The following USP36 variants were observed in gnomAD, a reference collection of about 807,000 sequenced individuals.
The protein encoded by USP36 is ubiquitin carboxyl-terminal hydrolase 36.
In USP36, 59 loss-of-function variants were observed where a neutral mutation model predicts 111.5. The ratio of observed to expected loss-of-function variants is 0.53; its 90% confidence interval spans 0.43 to 0.66. USP36 has a LOEUF of 0.66. USP36 is among the 30% of genes least tolerant of loss of function. The pLI is 0.00. For synonymous variants in USP36, 628 were observed against 581.0 expected (o/e 1.08, Z -1.16); for missense variants, 1,488 against 1,468.0 (o/e 1.01, Z -0.22).
Position 78,807,345 on chromosome 17 carries a change from GGCTCCCAGATCTGCT to G in USP36, c.1684_1698del (p.Ser562_Ser566del), listed in dbSNP as rs776240175. 2.5e-6 allele frequency: 4 copies of G among 1,614,110 alleles called. No individual in the cohort carries two copies. The highest frequency in any genetic ancestry group is 1.3e-5 in the African/African-American group (1 of 74,936). On this transcript the variant is annotated inframe_deletion, in exon 14 of 21. Coordinates refer to ENST00000449938, the MANE Select transcript of USP36 (RefSeq NM_001385174.1). ...CTGCTGTCCCAGGAGCCCTGCCTTTGGCTCCCAGATCTGCTGCTATTCGAGTTGCTGGTCCCAGGC... is the reference window on the plus strand; with the variant it reads ...CTGCTGTCCCAGGAGCCCTGCCTTTGGCTATTCGAGTTGCTGGTCCCAGGC...
At position 78,835,507 on chromosome 17, in the gene USP36, G is replaced by A; in HGVS notation, c.254-6C>T. On this transcript the variant is annotated splice_region_variant and splice_polypyrimidine_tract_variant and intron_variant, in intron 3 of 20. Transcript: ENST00000449938. Reference sequence around the variant, plus strand: ...CTCATACGTGTGCTCACTGCCTGAGGAAGAAAGGGACAAGGGAAGAAAAGA... The same window carrying A: ...CTCATACGTGTGCTCACTGCCTGAGAAAGAAAGGGACAAGGGAAGAAAAGA... The A allele has an allele frequency of 1.3e-6, 2 of 1,587,368 alleles. No homozygotes were observed. Among genetic ancestry groups the A allele is most frequent in the Non-Finnish European group, 1.7e-6 (2 of 1,166,000 alleles).
intron 13 of USP36, among the ~76,000 whole-genome samples, chr17:78,809,204 A>C (rs143600798): frequency 3.9e-5 from 6 of 152,340 alleles, no homozygotes; most frequent in African/African-American, 1.2e-4. Context: ...AATTATGTAC[A>C]AAAATGTAAA....
chr17:78,825,412 AT>A (rs1331358704), intron 6 of USP36, among the ~76,000 whole-genome samples: 1 of 152,030 alleles, frequency 6.6e-6, no homozygotes, highest in Non-Finnish European at 1.5e-5. Context: ...TGTCATTCTT[AT>A]TTTTTCTCAC....
At chr17:78,816,500 T>C (rs1469736176) in intron 10 of USP36, among the ~76,000 whole-genome samples, 1 of 151,848 alleles carries the variant, frequency 6.6e-6, no homozygotes, top group Non-Finnish European at 1.5e-5. Flanking sequence ...GTGGCACACA[T>C]TTGTGGTCCC....
chr17:78,822,702 T>C (rs7219360), intron 6 of USP36, among the ~76,000 whole-genome samples: 8,855 of 152,246 alleles, frequency 0.058, 820 homozygotes, highest in African/African-American at 0.2. Context: ...ATATGGTAGC[T>C]ACTCACGCTG....
At chr17:78,830,332 A>G (rs1293045589) in intron 4 of USP36, among the ~76,000 whole-genome samples, 1 of 152,244 alleles carries the variant, frequency 6.6e-6, no homozygotes, top group Non-Finnish European at 1.5e-5. Flanking sequence ...TGCTAGACAT[A>G]GCTCCAGTTC....
rs1055817829 is a variant in USP36, at chr17:78,806,345, G to A, written c.2086-59C>T. The A allele has an allele frequency of 3.2e-5, 51 of 1,597,304 alleles. No homozygotes were observed. The African/African-American group carries it at 6.9e-4, about 22-fold the overall frequency. On this transcript the variant is annotated intron_variant, in intron 14 of 20. Transcript: ENST00000449938. Reference sequence around the variant, plus strand: ...TCTAAAAAAGGTTTCCGTGAGTGAAGAGGGAAAACAAAAGTAACAAAAAAT... The same window carrying A: ...TCTAAAAAAGGTTTCCGTGAGTGAAAAGGGAAAACAAAAGTAACAAAAAAT...
chr17:78,839,772 C>G (rs912234959), intron 1 of USP36, among the ~76,000 whole-genome samples: 2 of 152,090 alleles, frequency 1.3e-5, no homozygotes, highest in East Asian at 1.9e-4. Flanking sequence ...TGTAGGAGCC[C>G]GAGACAAGTG....
rs2068646439 is a variant in USP36, at chr17:78,836,153, TA to T, written c.210del (p.Ser71ValfsTer42). 6.2e-7 allele frequency: 1 copy of T among 1,613,912 alleles called. No homozygotes were observed. The highest frequency in any genetic ancestry group is 8.5e-7 in the Non-Finnish European group (1 of 1,180,058). ...GGGTCATCTCCACTCTTGTGGCGAC[TA>T]GCTCCCTCTGTTTTGGGGTTGAGCA... ...YVLLNPKTEG[A>X]SRHKSGDDPP... On this transcript the variant is annotated frameshift_variant, in exon 3 of 21. Transcript: ENST00000449938. LOFTEE classifies it high-confidence loss of function.
intron 10 of USP36, among the ~76,000 whole-genome samples, chr17:78,816,712 A>G (rs2094198534): frequency 6.6e-6 from 1 of 152,166 alleles, no homozygotes; most frequent in African/African-American, 2.4e-5. Context: ...CCCAGTCTCA[A>G]GCAATCCTCC....
intron 12 of USP36, 119 bp from the exon 13 acceptor site, chr17:78,813,120 T>C: frequency 1.6e-6 from 2 of 1,263,200 alleles, no homozygotes; most frequent in Non-Finnish European, 2.2e-6. Flanking sequence ...ACCCTGCCAG[T>C]CCTAACCACT....
At chr17:78,825,229 A>T (rs2067429955) in intron 6 of USP36, among the ~76,000 whole-genome samples, 1 of 152,206 alleles carries the variant, frequency 6.6e-6, no homozygotes, top group Non-Finnish European at 1.5e-5. Flanking sequence ...AACGCTGGTC[A>T]CCTATAATCA....
In USP36 at chr17:78,836,208, C is replaced by T. The variant is rs562267963; in HGVS notation, c.156G>A (p.Gln52=). The T allele has an allele frequency of 5.6e-6, 9 of 1,614,156 alleles. 1 individual carries two copies. In the African/African-American group the frequency reaches 6.7e-5, roughly 12 times the overall value. Residue 52 remains glutamine (Q), a synonymous_variant, in exon 3 of 21, where the codon CAG becomes CAA. Coordinates refer to ENST00000449938, the MANE Select transcript of USP36 (RefSeq NM_001385174.1). Reference sequence around the variant, plus strand: ...CATATTTGCTCTTTAAGGCCTCCAGCTGGTAGGAGAAGCTCTTGCTGGCTG... The same window carrying T: ...CATATTTGCTCTTTAAGGCCTCCAGTTGGTAGGAGAAGCTCTTGCTGGCTG... The part of the protein sequence containing the change: ...FEPASKSFSY[Q]LEALKSKYVL...
chr17:78,814,747 G>A (rs1035723087), intron 10 of USP36, among the ~76,000 whole-genome samples, 195 bp from the exon 11 acceptor site: 2 of 149,442 alleles, frequency 1.3e-5, no homozygotes, highest in South Asian at 4.3e-4. Context: ...CGAGGAGTTC[G>A]AGATCAGCCT....
intron 4 of USP36, among the ~76,000 whole-genome samples, chr17:78,831,118 C>T (rs900189289): frequency 4.8e-5 from 7 of 146,038 alleles, no homozygotes; most frequent in Non-Finnish European, 7.5e-5. Flanking sequence ...CCCAGCTACT[C>T]GGGAGGCTGA....
Position 78,831,942 on chromosome 17 carries a change from CAAA to C in USP36, c.476-2938_476-2936del, listed in dbSNP as rs573258267. Reference sequence around the variant, plus strand: ...TGCGTGACAGAGTGAGAGCTTGTCTCAAAAAAAAAAAAAAAAAAAAGCTTCTTT... The same window carrying C: ...TGCGTGACAGAGTGAGAGCTTGTCTCAAAAAAAAAAAAAAAAAGCTTCTTT... On this transcript the variant is annotated intron_variant, in intron 4 of 20. Coordinates refer to ENST00000449938, the MANE Select transcript of USP36 (RefSeq NM_001385174.1). 8.2e-3 allele frequency among the ~76,000 whole-genome samples: 632 copies of C among 77,234 alleles called. 2 individuals carry two copies. Among genetic ancestry groups the C allele is most frequent in the African/African-American group, 0.032 (579 of 17,856 alleles). 50.7% of individuals were successfully genotyped at this position (77,234 alleles called of 152,430 possible).
chr17:78,791,611 A>G (rs1255026191), downstream of USP36, among the ~76,000 whole-genome samples: 1 of 152,138 alleles, frequency 6.6e-6, no homozygotes, highest in Non-Finnish European at 1.5e-5. Flanking sequence ...CAATTTCCTC[A>G]ATGCCTGGAG....
rs1349440501 is a variant in USP36 at position 78,818,677 on chromosome 17, T to C, written c.1013A>G (p.Lys338Arg). ...GTCACGAGCGCTCACCTTGGTGATC[T>C]TCCCCCCGCTGAAGTTGGCAAAGCG... Reference protein sequence around the residue: ...LKRFANFSGGKITKDVGYPEF... With the variant: ...LKRFANFSGGRITKDVGYPEF... The change falls in exon 10 of 21, where the codon AAG becomes AGG. Residue 338 changes from lysine (K) to arginine (R), a missense_variant. Lys to Arg is a conservative substitution (Grantham distance 26). This residue lies in a region of USP36 where 196 missense variants were observed against 264.4 expected (regional missense o/e 0.74). Transcript: ENST00000449938. 11 of 1,613,756 alleles carry C rather than the reference T, an allele frequency of 6.8e-6. No homozygotes were observed. Among genetic ancestry groups the C allele is most frequent in the African/African-American group, 1.3e-5 (1 of 74,914 alleles).
intron 13 of USP36, among the ~76,000 whole-genome samples, chr17:78,809,205 A>G (rs11870759): frequency 0.011 from 1,667 of 152,340 alleles, 24 homozygotes; most frequent in African/African-American, 0.038. Flanking sequence ...ATTATGTACA[A>G]AAATGTAAAT....
Sources: gnomAD v4.1 joint callset for allele counts (sites outside exome capture counted in the v4.1 genomes callset) on GRCh38, gnomAD v4.1.1 for gene constraint, gnomAD v4.1.1 regional missense constraint, MANE v1.5 for transcripts, NCBI Gene and HGNC (gene_info 2026-07-23, HGNC 2026-07-21) for gene names.